Variants in TAMM41 observed in about 807,000 individuals in gnomAD.
TAMM41 encodes the protein phosphatidate cytidylyltransferase, mitochondrial.
Under a neutral mutation model 44.1 loss-of-function variants are expected in TAMM41, and 36 were observed. The observed-to-expected ratio is 0.82, with a 90% CI of 0.63 to 1.08. The LOEUF is 1.08. Ranked by LOEUF, TAMM41 falls within the 50% of genes least tolerant of loss-of-function variation. The pLI is 0.00. For synonymous variants in TAMM41, 164 were observed against 153.1 expected (o/e 1.07, Z -0.53); for missense variants, 417 against 404.3 (o/e 1.03, Z -0.27).
chr3:11,772,316 C>A, the TAMM41 span, among the ~76,000 whole-genome samples: 80 of 150,212 alleles, frequency 5.3e-4, no homozygotes, highest in Middle Eastern at 3.2e-3. Flanking sequence ...CTCCTGACCT[C>A]GTGATCCGCC....
chr3:11,755,849 T>C, the TAMM41 span, among the ~76,000 whole-genome samples: 1 of 152,224 alleles, frequency 6.6e-6, no homozygotes, highest in East Asian at 1.9e-4. Context: ...TGCAATAATT[T>C]CACCCCATGA....
At chr3:11,833,442 T>C (rs1366318717) in intron 3 of TAMM41, among the ~76,000 whole-genome samples, 1 of 152,200 alleles carries the variant, frequency 6.6e-6, no homozygotes, top group African/African-American at 2.4e-5. Context: ...CCCTACCTAC[T>C]GTTCAAATAC....
At chr3:11,745,942 C>G in the TAMM41 span, among the ~76,000 whole-genome samples, 10 of 152,102 alleles carry the variant, frequency 6.6e-5, no homozygotes, top group African/African-American at 2.4e-4. Context: ...CTGACAATAC[C>G]AAGTGTTGGC....
At chr3:11,729,292 C>T in the TAMM41 span, among the ~76,000 whole-genome samples, 29 of 151,854 alleles carry the variant, frequency 1.9e-4, no homozygotes, top group South Asian at 4.2e-4. Context: ...TGGGCTGGGA[C>T]GGGAAATAAA....
intron 4 of TAMM41, among the ~76,000 whole-genome samples, chr3:11,821,995 T>C (rs1003691461): frequency 1.3e-5 from 2 of 152,184 alleles, no homozygotes; most frequent in Admixed American, 6.5e-5. Flanking sequence ...TTTCAGGCGA[T>C]GTGTATGAGG....
Position 11,807,877 on chromosome 3 carries a change from C to T in TAMM41, c.893G>A (p.Arg298Lys). 1 of 1,528,358 alleles carries T rather than the reference C, an allele frequency of 6.5e-7. No individual in the cohort carries two copies. Among genetic ancestry groups the T allele is most frequent in the Non-Finnish European group, 8.7e-7 (1 of 1,143,006 alleles). The allele number at this position is 1,528,358 out of a possible 1,614,324, so 94.7% of individuals were successfully genotyped here. ...CGTGCTCTGTCTTATACTAGACGGT[C>T]TCACGATTGCTGAAAGCCCTGCGAG... ...VVRLGLSAIV[R>K]PSSIRQSTKG... The change falls in exon 7 of 8, where the codon AGA becomes AAA. Residue 298 changes from arginine (R) to lysine (K), a missense_variant. Coordinates refer to ENST00000455809, the MANE Select transcript of TAMM41 (RefSeq NM_001284401.2).
rs1462615286 is a variant in TAMM41, at chr3:11,809,529, C to T, written c.862G>A (p.Val288Met). ...QVAHDPDCGDVVRLGLSAIVR... is the reference protein window; with the variant it reads ...QVAHDPDCGDMVRLGLSAIVR... ...TTCATAAACGTACCTAGTCGCACCA[C>T]ATCTCCACAGTCGGGATCATGAGCC... Residue 288 changes from valine to methionine, a missense_variant, in exon 6 of 8, where the codon GTG (valine) becomes ATG (methionine). Val to Met is a conservative substitution (Grantham distance 21). Transcript: ENST00000455809. 2 of 1,613,992 alleles carry T rather than the reference C, an allele frequency of 1.2e-6. No homozygotes were observed. The highest frequency in any genetic ancestry group is 4.5e-5 in the East Asian group (2 of 44,878).
the TAMM41 span, among the ~76,000 whole-genome samples, chr3:11,754,708 CTT>C: frequency 0.26 from 26,165 of 102,518 alleles, 2,166 homozygotes; most frequent in Middle Eastern, 0.29. Context: ...TCTCAGATCT[CTT>C]TTTTTTTTTT....
the TAMM41 span, among the ~76,000 whole-genome samples, chr3:11,745,806 A>G: frequency 2.0e-5 from 3 of 152,200 alleles, no homozygotes; most frequent in African/African-American, 7.2e-5. Flanking sequence ...TGAACTGTAC[A>G]CTGAAAAATG....
At chr3:11,774,778 T>C in the TAMM41 span, among the ~76,000 whole-genome samples, 1 of 152,018 alleles carries the variant, frequency 6.6e-6, no homozygotes, top group African/African-American at 2.4e-5. Flanking sequence ...GAAGAAAGGA[T>C]CTCCCTGGGT....
chr3:11,732,810 C>T, the TAMM41 span, among the ~76,000 whole-genome samples: 2 of 151,866 alleles, frequency 1.3e-5, no homozygotes, highest in African/African-American at 2.4e-5. Flanking sequence ...AACACAGTCA[C>T]CATGATGGAA....
chr3:11,770,477 C>T, the TAMM41 span, among the ~76,000 whole-genome samples: 2 of 152,174 alleles, frequency 1.3e-5, no homozygotes, highest in South Asian at 2.1e-4. Flanking sequence ...GTAATGAGGT[C>T]GACTTGCAAG....
rs567846076 is a variant in TAMM41 at position 11,839,671 on chromosome 3, A to G, written c.319-357T>C. ...CAACCAAGGAGGAGGAATATAGTTTATAGTTTAATTTTAAAGCAAGGATGA... is the reference window on the plus strand; with the variant it reads ...CAACCAAGGAGGAGGAATATAGTTTGTAGTTTAATTTTAAAGCAAGGATGA... On this transcript the variant is annotated intron_variant, in intron 2 of 7. Coordinates refer to ENST00000455809, the MANE Select transcript of TAMM41 (RefSeq NM_001284401.2). Among the ~76,000 whole-genome samples, 107 of 152,332 alleles carry G rather than the reference A, an allele frequency of 7.0e-4. 2 individuals are homozygous for G. The highest frequency in any genetic ancestry group is 3.4e-3 in the Middle Eastern group (1 of 294).
chr3:11,767,858 C>T, the TAMM41 span, among the ~76,000 whole-genome samples: 6 of 149,828 alleles, frequency 4.0e-5, no homozygotes, highest in Non-Finnish European at 7.4e-5. Flanking sequence ...CTCCTGACCT[C>T]GTGATCCGCC....
chr3:11,841,038 T>C (rs1422398323), intron 2 of TAMM41, among the ~76,000 whole-genome samples: 1 of 151,476 alleles, frequency 6.6e-6, no homozygotes, highest in Non-Finnish European at 1.5e-5. Context: ...TCTTTATTCA[T>C]GCTAAAAAAA....
the TAMM41 span, among the ~76,000 whole-genome samples, chr3:11,759,216 G>C: frequency 6.6e-6 from 1 of 151,862 alleles, no homozygotes; most frequent in Non-Finnish European, 1.5e-5. Context: ...GCATTTGCTC[G>C]GCACTACTCA....
chr3:11,813,317 G>A (rs1362632282), intron 5 of TAMM41, among the ~76,000 whole-genome samples: 1 of 152,056 alleles, frequency 6.6e-6, no homozygotes, highest in African/African-American at 2.4e-5. Context: ...ATTACTTGAG[G>A]TCAGGAGTTC....
At chr3:11,811,170 C>A (rs2078076630) in intron 5 of TAMM41, 1 of 151,996 alleles carries the variant, frequency 6.6e-6, no homozygotes, top group South Asian at 2.1e-4. Context: ...TTTAATGGCT[C>A]CATAAAGCTA....
chr3:11,747,547 T>C, the TAMM41 span, among the ~76,000 whole-genome samples: 2 of 152,032 alleles, frequency 1.3e-5, no homozygotes, highest in Non-Finnish European at 2.9e-5. Context: ...GGTGGGATGA[T>C]TGCTTGAGCC....
Sources: gnomAD v4.1 joint callset for allele counts (sites outside exome capture counted in the v4.1 genomes callset) on GRCh38, gnomAD v4.1.1 for gene constraint, MANE v1.5 for transcripts, NCBI Gene and HGNC (gene_info 2026-07-23, HGNC 2026-07-21) for gene names.